The following CMIP variants were observed in gnomAD, a reference collection of about 807,000 sequenced individuals.
CMIP encodes the protein c-Maf inducing protein, also known as C-Maf-inducing protein.
CMIP carries 13 observed loss-of-function variants against 97.3 expected under a neutral mutation model. That is an observed-to-expected ratio of 0.13 (90% confidence interval 0.09 to 0.21). The LOEUF (loss-of-function observed/expected upper bound fraction) is 0.21. CMIP is among the 10% of genes least tolerant of loss of function. The pLI is 1.00. For synonymous variants in CMIP, 538 were observed against 436.3 expected (o/e 1.23, Z -2.91); for missense variants, 847 against 1,024.9 (o/e 0.83, Z 2.37).
chr16:81,537,103 G>A (rs1871840974), intron 1 of CMIP, among the ~76,000 whole-genome samples: 1 of 152,166 alleles, frequency 6.6e-6, no homozygotes, highest in Non-Finnish European at 1.5e-5. Context: ...GAAACTTCAG[G>A]ACCAGTCATG....
rs1000245177 is a variant in CMIP at position 81,640,294 on chromosome 16, C to T, written c.478-11909C>T. Among the ~76,000 whole-genome samples, 4 of 150,980 alleles carry T rather than the reference C, an allele frequency of 2.6e-5. No individual in the cohort carries two copies. In the East Asian group the frequency reaches 5.8e-4, roughly 22 times the overall value. On this transcript the variant is annotated intron_variant, in intron 3 of 20. Transcript: ENST00000537098. ...GCAGGATAGGACATCAGGCCCCCCC[C>T]CCCCCAATTCCCCAGGGAAAGAAAA...
chr16:81,676,316 C>A (rs1904308051), intron 9 of CMIP, among the ~76,000 whole-genome samples: 1 of 151,846 alleles, frequency 6.6e-6, no homozygotes, highest in African/African-American at 2.4e-5. Flanking sequence ...TGACGCCCCC[C>A]TCAGCCAGTC....
Position 81,652,254 on chromosome 16 carries a change from G to T in CMIP, c.529G>T (p.Val177Phe), listed in dbSNP as rs774161722. ...GCTGAGTAACCCAAGCCGCTGGGAA[G>T]TTGTCTTGAAAGAGATCCGGACCCT... The part of the protein sequence containing the change: ...KVLSNPSRWE[V>F]VLKEIRTLVD... The change falls in exon 4 of 21, where the codon GTT becomes TTT. Residue 177 changes from valine to phenylalanine, a missense_variant. By Grantham distance (50) the Val-to-Phe change is conservative. Transcript: ENST00000537098. The surrounding 1 kb of genome is among the most constrained non-coding windows in gnomAD (Gnocchi z 5.2). 2.5e-6 allele frequency: 4 copies of T among 1,613,834 alleles called. No homozygotes were observed. The highest frequency in any genetic ancestry group is 3.4e-6 in the Non-Finnish European group (4 of 1,179,736).
At chr16:81,540,033 C>T (rs1009430570) in intron 1 of CMIP, among the ~76,000 whole-genome samples, 3 of 152,138 alleles carry the variant, frequency 2.0e-5, no homozygotes, top group African/African-American at 4.8e-5. Context: ...TGAACGAAGC[C>T]GAAAGTAGTT....
chr16:81,565,179 C>T (rs760647615), intron 1 of CMIP, among the ~76,000 whole-genome samples: 1 of 152,104 alleles, frequency 6.6e-6, no homozygotes, highest in African/African-American at 2.4e-5. Context: ...ATGCCCCAGC[C>T]CCAAAGACAG....
In CMIP at chr16:81,710,066, C is replaced by G. The variant is rs926624081; in HGVS notation, c.*267C>G. On this transcript the variant is annotated 3_prime_UTR_variant, in exon 21 of 21. Transcript: ENST00000537098. ...AGCAACAAGAGGAGCATCAGCGGGT[C>G]GGGGAGGGGTTTGGGGGTGGGCTGG... 1 of 2,582 alleles carries G rather than the reference C, an allele frequency of 3.9e-4. No homozygotes were observed. Among genetic ancestry groups the G allele is most frequent in the Non-Finnish European group, 6.4e-4 (1 of 1,552 alleles). 0.2% of individuals were successfully genotyped at this position (2,582 alleles called of 1,614,324 possible).
At chr16:81,542,442 G>A (rs970366618) in intron 1 of CMIP, among the ~76,000 whole-genome samples, 2 of 152,172 alleles carry the variant, frequency 1.3e-5, no homozygotes, top group African/African-American at 4.8e-5. Flanking sequence ...GTAGCATGGC[G>A]TGCGTGATCT....
intron 3 of CMIP, among the ~76,000 whole-genome samples, chr16:81,642,826 G>A (rs928599256): frequency 2.0e-5 from 3 of 152,294 alleles, no homozygotes; most frequent in African/African-American, 7.2e-5. Flanking sequence ...AACCCGGGAG[G>A]CGGAGTTTGC....
intron 1 of CMIP, among the ~76,000 whole-genome samples, chr16:81,472,382 T>C (rs1346089129): frequency 6.6e-6 from 1 of 152,192 alleles, no homozygotes; most frequent in African/African-American, 2.4e-5. Context: ...GTATTTCCAG[T>C]GTCCTTCATG....
intron 1 of CMIP, among the ~76,000 whole-genome samples, chr16:81,515,987 C>G (rs1049848053): frequency 7.9e-5 from 12 of 152,204 alleles, no homozygotes; most frequent in Admixed American, 2.0e-4. Context: ...GCTTCCAGCC[C>G]CTGGGCCTCA....
At chr16:81,565,040 G>A (rs1283887565) in intron 1 of CMIP, among the ~76,000 whole-genome samples, 3 of 152,058 alleles carry the variant, frequency 2.0e-5, no homozygotes, top group South Asian at 2.1e-4. Flanking sequence ...GCTCGGGGGT[G>A]CCTGGTGAAG....
At chr16:81,481,832 C>G (rs1415298797) in intron 1 of CMIP, among the ~76,000 whole-genome samples, 3 of 151,472 alleles carry the variant, frequency 2.0e-5, no homozygotes, top group Non-Finnish European at 4.4e-5. Flanking sequence ...ACTCCAACCT[C>G]TGCTTCAGTC....
At chr16:81,688,447 C>A (rs1431201795) in intron 10 of CMIP, among the ~76,000 whole-genome samples, 2 of 152,184 alleles carry the variant, frequency 1.3e-5, no homozygotes. Context: ...GGATTTGACT[C>A]CTCATATGCC....
chr16:81,582,956 G>C (rs770493349), intron 1 of CMIP, among the ~76,000 whole-genome samples: 1 of 152,196 alleles, frequency 6.6e-6, no homozygotes, highest in Non-Finnish European at 1.5e-5. Context: ...GTGGCAGTGT[G>C]GGGTAGCAGA....
At chr16:81,524,797 CTTTT>C (rs35008790) in intron 1 of CMIP, among the ~76,000 whole-genome samples, 1 of 144,694 alleles carries the variant, frequency 6.9e-6, no homozygotes. Context: ...TCTTTTCTTT[CTTTT>C]TTTTTTTTTT....
chr16:81,627,216 G>A lies in CMIP; in HGVS notation c.477+6290G>A, dbSNP rs138585565. 3.7e-4 allele frequency among the ~76,000 whole-genome samples: 55 copies of A among 150,436 alleles called. No individual in the cohort carries two copies. Among genetic ancestry groups the A allele is most frequent in the African/African-American group, 1.3e-3 (55 of 40,970 alleles). On this transcript the variant is annotated intron_variant, in intron 3 of 20. Transcript: ENST00000537098. This position sits in a 1 kb window ranked among gnomAD's most constrained non-coding sequence, Gnocchi z 4.6. ...AGTGTGTGTGTGTGGCATGTGGGATGACTGTTTTATGTGTGTGTGAGTGTG... is the reference window on the plus strand; with the variant it reads ...AGTGTGTGTGTGTGGCATGTGGGATAACTGTTTTATGTGTGTGTGAGTGTG...
rs377241916 is a variant in CMIP at position 81,704,037 on chromosome 16, C to T, written c.2043C>T (p.His681=). The T allele has an allele frequency of 1.7e-4, 268 of 1,606,068 alleles. 1 individual carries two copies. The highest frequency in any genetic ancestry group is 2.0e-4 in the Non-Finnish European group (239 of 1,176,958). The change falls in exon 18 of 21, where the codon CAC becomes CAT. Residue 681 remains histidine, a synonymous_variant. Transcript: ENST00000537098. ...ATGTAACCAGTGCCTGCGCCGAGCACCTCATCAAACTGCCTTCGCTCAAGC... is the reference window on the plus strand; with the variant it reads ...ATGTAACCAGTGCCTGCGCCGAGCATCTCATCAAACTGCCTTCGCTCAAGC... ...FTNVTSACAE[H]LIKLPSLKQL...
chr16:81,670,353 C>A, intron 8 of CMIP, 108 bp downstream of exon 8: 3 of 1,191,360 alleles, frequency 2.5e-6, no homozygotes, highest in Admixed American at 2.1e-5. Context: ...ATGAAGACTC[C>A]CTCTATGAGG....
chr16:81,689,748 G>T (rs1905839413), intron 10 of CMIP, among the ~76,000 whole-genome samples: 1 of 152,188 alleles, frequency 6.6e-6, no homozygotes, highest in Non-Finnish European at 1.5e-5. Flanking sequence ...GTCCTGAAAG[G>T]TATTGCCTAG....
Sources: gnomAD v4.1 joint callset for allele counts (sites outside exome capture counted in the v4.1 genomes callset) on GRCh38, gnomAD v4.1.1 for gene constraint, Gnocchi (gnomAD v3.1) non-coding constraint, MANE v1.5 for transcripts, NCBI Gene and HGNC (gene_info 2026-07-23, HGNC 2026-07-21) for gene names.